OR51B5: variants seen among roughly 807,000 people sequenced by gnomAD.
OR51B5 encodes the protein olfactory receptor 51B5.
For missense variants in OR51B5, 456 were observed against 374.6 expected, an observed-to-expected ratio of 1.22 and a Z score of -1.79; for synonymous variants, 186 against 144.8, an observed-to-expected ratio of 1.28 and a Z score of -2.04.
rs116672263 is a variant in OR51B5, at chr11:5,424,083, C to T, written n.85-77173G>A. Among the ~76,000 whole-genome samples the T allele has an allele frequency of 5.2e-3, 792 of 152,230 alleles. 7 individuals are homozygous for T. Among genetic ancestry groups the T allele is most frequent in the African/African-American group, 0.018 (742 of 41,530 alleles). On this transcript the variant is annotated intron_variant and non_coding_transcript_variant, in intron 1 of 4. Transcript: ENST00000415970. ...ACAAGATAAACTTTCCCAGCAATAT[C>T]GGTTTGAAGGGACAACTATAAATTT... is the stretch of plus-strand genomic sequence containing the variant.
At chr11:5,342,247 T>C (rs934156260), downstream of OR51B5, among the ~76,000 whole-genome samples, 1 of 152,208 alleles carries the variant, frequency 6.6e-6, no homozygotes, top group Non-Finnish European at 1.5e-5. Flanking sequence ...TTTATATTTT[T>C]ATGATTCTGT....
At chr11:5,468,811 G>C in intron 1 of OR51B5, 1 of 453,682 alleles carries the variant, frequency 2.2e-6, no homozygotes, top group East Asian at 6.9e-5. Flanking sequence ...AGATGACAAT[G>C]AACAGGCCAT....
chr11:5,365,273 C>G (rs1210724236), intron 1 of OR51B5, among the ~76,000 whole-genome samples: 1 of 152,130 alleles, frequency 6.6e-6, no homozygotes, highest in Non-Finnish European at 1.5e-5. Flanking sequence ...GTGGTGAGAA[C>G]AGTGTTATTA....
intron 1 of OR51B5, among the ~76,000 whole-genome samples, chr11:5,400,228 G>A (rs566637613): frequency 4.6e-5 from 7 of 152,228 alleles, no homozygotes; most frequent in East Asian, 3.9e-4. Flanking sequence ...ACTATGTTAC[G>A]TTGTATCAGA....
intron 1 of OR51B5, among the ~76,000 whole-genome samples, chr11:5,394,488 A>G (rs1849839501): frequency 6.6e-6 from 1 of 152,214 alleles, no homozygotes. Flanking sequence ...GCACAAGCCT[A>G]TATTCCTGCA....
At chr11:5,398,039 C>A (rs9795356) in intron 1 of OR51B5, among the ~76,000 whole-genome samples, 1 of 151,562 alleles carries the variant, frequency 6.6e-6, no homozygotes, top group Non-Finnish European at 1.5e-5. Flanking sequence ...CATCACACAC[C>A]GGGGCCTGTT....
intron 1 of OR51B5, chr11:5,441,057 T>C: frequency 1.2e-6 from 2 of 1,614,012 alleles, no homozygotes; most frequent in South Asian, 1.1e-5. Flanking sequence ...GGTGAAACTC[T>C]TGGTAAGGAT....
chr11:5,494,656 T>G (rs1334403327), intron 1 of OR51B5, among the ~76,000 whole-genome samples: 3 of 152,230 alleles, frequency 2.0e-5, no homozygotes, highest in African/African-American at 7.2e-5. Flanking sequence ...CTGCCATCAC[T>G]TCATAACCTT....
intron 1 of OR51B5, among the ~76,000 whole-genome samples, chr11:5,490,267 A>G (rs554222483): frequency 6.6e-6 from 1 of 152,364 alleles, no homozygotes; most frequent in South Asian, 2.1e-4. Context: ...CATGTACTCA[A>G]TAAATGAATA....
At chr11:5,484,489 G>C (rs920621065) in intron 1 of OR51B5, among the ~76,000 whole-genome samples, 3 of 152,170 alleles carry the variant, frequency 2.0e-5, no homozygotes, top group African/African-American at 7.2e-5. Context: ...TCTAGACTCT[G>C]TCGTCCAAGC....
At chr11:5,489,093 C>T (rs1851538296) in intron 1 of OR51B5, 10 of 1,613,990 alleles carry the variant, frequency 6.2e-6, no homozygotes, top group Non-Finnish European at 7.6e-6. Flanking sequence ...ATGTGGCTAT[C>T]TGTAACCCAT....
intron 1 of OR51B5, among the ~76,000 whole-genome samples, chr11:5,408,600 T>A (rs928308237): frequency 1.3e-5 from 2 of 152,282 alleles, no homozygotes; most frequent in East Asian, 1.9e-4. Flanking sequence ...AGTTTGGTGT[T>A]CTTTTGTTAA....
At chr11:5,395,216 G>A (rs1314470912) in intron 1 of OR51B5, among the ~76,000 whole-genome samples, 1 of 152,182 alleles carries the variant, frequency 6.6e-6, no homozygotes, top group Non-Finnish European at 1.5e-5. Context: ...AAGACCCAAG[G>A]AAGAGAGACA....
Position 5,441,304 on chromosome 11 carries a change from T to G in OR51B5, n.84+64265A>C, listed in dbSNP as rs750758139. 3.7e-6 allele frequency: 6 copies of G among 1,613,766 alleles called. No homozygotes were observed. The African/African-American group carries it at 8.0e-5, about 22-fold the overall frequency. ...GTAGAAAAGGACACTCCCAGATCAT[T>G]GAGAGCGAGCATAGAGAGGAAGTAG... On this transcript the variant is annotated intron_variant and non_coding_transcript_variant, in intron 1 of 4. Transcript: ENST00000415970.
At chr11:5,366,045 T>C (rs1369200482) in intron 1 of OR51B5, among the ~76,000 whole-genome samples, 1 of 145,752 alleles carries the variant, frequency 6.9e-6, no homozygotes, top group Non-Finnish European at 1.5e-5. Context: ...AGCAGCCAGG[T>C]AATCAGCATG....
At chr11:5,401,218 G>A (rs1849962807) in intron 1 of OR51B5, among the ~76,000 whole-genome samples, 1 of 152,190 alleles carries the variant, frequency 6.6e-6, no homozygotes, top group Non-Finnish European at 1.5e-5. Flanking sequence ...TGTTGCCGTA[G>A]TGTATTCAGC....
At chr11:5,357,207 C>A (rs1392587477) in intron 1 of OR51B5, among the ~76,000 whole-genome samples, 40 of 152,100 alleles carry the variant, frequency 2.6e-4, no homozygotes, top group Admixed American at 2.6e-3. Context: ...CAAGACCCAT[C>A]AGTGTGCTGT....
In OR51B5 at chr11:5,427,849, T is replaced by C. The variant is rs189353291; in HGVS notation, n.84+77720A>G. Among the ~76,000 whole-genome samples, 14 of 152,332 alleles carry C rather than the reference T, an allele frequency of 9.2e-5. 1 individual carries two copies. Among genetic ancestry groups the C allele is most frequent in the East Asian group, 5.8e-4 (3 of 5,192 alleles). ...ATTTTTAAACATCAAATTTAAATTA[T>C]GTACATTTTTATTGCAAAGAATTAT... On this transcript the variant is annotated intron_variant and non_coding_transcript_variant, in intron 1 of 4. Transcript: ENST00000415970.
intron 1 of OR51B5, among the ~76,000 whole-genome samples, chr11:5,363,548 A>G (rs1466755957): frequency 6.6e-6 from 1 of 152,052 alleles, no homozygotes; most frequent in Non-Finnish European, 1.5e-5. Context: ...TACTTTTATT[A>G]AACCAAGCAC....
Sources: gnomAD v4.1 joint callset for allele counts (sites outside exome capture counted in the v4.1 genomes callset) on GRCh38, gnomAD v4.1.1 for gene constraint, MANE v1.5 for transcripts, NCBI Gene and HGNC (gene_info 2026-07-23, HGNC 2026-07-21) for gene names.